The following GATA4 variants were observed in gnomAD, a reference collection of about 807,000 sequenced individuals.
GATA4 encodes the protein transcription factor GATA-4.
Under a neutral mutation model 37.9 loss-of-function variants are expected in GATA4, and 7 were observed. That is an observed-to-expected ratio of 0.18 (90% CI 0.11 to 0.35). The LOEUF (loss-of-function observed/expected upper bound fraction) is 0.35, where lower values mean the gene tolerates loss of function less well. Ranked by LOEUF, GATA4 falls within the 10% of genes least tolerant of loss-of-function variation. The pLI is 1.00. For missense variants in GATA4, 647 were observed against 653.0 expected (o/e 0.99, Z 0.10); for synonymous variants, 372 against 292.6 (o/e 1.27, Z -2.77).
chr8:11,749,844 G>T lies in GATA4; in HGVS notation c.787-267G>T, dbSNP rs1288954490. On this transcript the variant is annotated intron_variant, in intron 3 of 6. Coordinates refer to ENST00000532059, the MANE Select transcript of GATA4 (RefSeq NM_001308093.3). The surrounding 1 kb of genome is among the most constrained non-coding windows in gnomAD (Gnocchi z 4.6). ...GGCGCTCACTGGTTATTCGCCTGAC[G>T]GTGAATGATGGTTAGGACTGGAAAC... 3.9e-5 allele frequency among the ~76,000 whole-genome samples: 6 copies of T among 152,202 alleles called. No homozygotes were observed. In the East Asian group the frequency reaches 1.2e-3, roughly 29 times the overall value.
intron 1 of GATA4, among the ~76,000 whole-genome samples, chr8:11,687,133 A>G (rs1799161806): frequency 6.6e-6 from 1 of 152,190 alleles, no homozygotes; most frequent in South Asian, 2.1e-4. Context: ...AGATGTGAGA[A>G]GTGAGGAGGA....
chr8:11,700,775 T>A (rs1585578310), upstream of GATA4: 2 of 152,292 alleles, frequency 1.3e-5, no homozygotes, highest in South Asian at 4.1e-4. Flanking sequence ...TTCCATAGAA[T>A]GAGGTTTGAT....
At chr8:11,717,069 A>G (rs1800463673) in intron 2 of GATA4, among the ~76,000 whole-genome samples, 1 of 152,204 alleles carries the variant, frequency 6.6e-6, no homozygotes, top group Non-Finnish European at 1.5e-5. Context: ...TCTGTTGGGA[A>G]GGAGTATCGC....
At chr8:11,710,389 C>T (rs191873446) in intron 2 of GATA4, among the ~76,000 whole-genome samples, 60 of 152,222 alleles carry the variant, frequency 3.9e-4, no homozygotes, top group African/African-American at 1.4e-3. Context: ...GGGCGGGGCG[C>T]GGCGCCCTGG....
chr8:11,711,908 A>C (rs575090710), intron 2 of GATA4, among the ~76,000 whole-genome samples: 1 of 152,138 alleles, frequency 6.6e-6, no homozygotes, highest in Non-Finnish European at 1.5e-5. Flanking sequence ...AACTGACCCC[A>C]GCTTTCTGAG....
At position 11,758,454 on chromosome 8, in the gene GATA4, C is replaced by T. The variant is rs779684582; in HGVS notation, c.1311C>T (p.His437=). 3.1e-5 allele frequency: 50 copies of T among 1,614,074 alleles called. No homozygotes were observed. The highest frequency in any genetic ancestry group is 5.5e-5 in the South Asian group (5 of 91,082). Residue 437 remains histidine (H), a synonymous_variant, in exon 7 of 7, where the codon CAC becomes CAT. Coordinates refer to ENST00000532059, the MANE Select transcript of GATA4 (RefSeq NM_001308093.3). ...ACAGCCTGGTCTTGGCCGACAGTCA[C>T]GGGGACATAATCACTGCGTAATCTT... The part of the protein sequence containing the change: ...SWNSLVLADS[H]GDIITA
In GATA4 at chr8:11,694,574, A is replaced by G. The variant is rs188282318; in HGVS notation, c.-729+1914A>G. On this transcript the variant is annotated intron_variant, in intron 1 of 2. Coordinates refer to the GATA4 transcript ENST00000526974. ...CCCAGGGTGAGGGACAGAGAAGATCATGGAAGCCAAACTGTCTGCTTTGTT... is the reference window on the plus strand; with the variant it reads ...CCCAGGGTGAGGGACAGAGAAGATCGTGGAAGCCAAACTGTCTGCTTTGTT... The G allele has an allele frequency of 6.9e-3, 6,335 of 915,308 alleles. 24 individuals carry two copies. Among genetic ancestry groups the G allele is most frequent in the Non-Finnish European group, 7.7e-3 (5,880 of 766,010 alleles). The allele number at this position is 915,308 out of a possible 1,614,324, so 56.7% of individuals were successfully genotyped here.
At chr8:11,698,856 A>T (rs920715404) in intron 1 of GATA4, among the ~76,000 whole-genome samples, 2 of 152,092 alleles carry the variant, frequency 1.3e-5, no homozygotes, top group African/African-American at 4.8e-5. Context: ...TTTGTAGGCG[A>T]TAGCAGCTCC....
At chr8:11,698,632 A>G (rs899153807) in intron 1 of GATA4, among the ~76,000 whole-genome samples, 1 of 151,986 alleles carries the variant, frequency 6.6e-6, no homozygotes, top group Non-Finnish European at 1.5e-5. Context: ...TGGGCTCCCT[A>G]TGCCTCAGAA....
chr8:11,678,971 C>T (rs1798866771), intron 1 of GATA4, among the ~76,000 whole-genome samples: 2 of 152,106 alleles, frequency 1.3e-5, no homozygotes, highest in Admixed American at 1.3e-4. Flanking sequence ...AATAAAATAT[C>T]CATTTCAAAT....
At chr8:11,713,732 T>C (rs1452883822) in intron 2 of GATA4, among the ~76,000 whole-genome samples, 3 of 152,136 alleles carry the variant, frequency 2.0e-5, no homozygotes. Flanking sequence ...CCTAGACAAT[T>C]GTGGTTGTGT....
In GATA4 at chr8:11,708,311, C is replaced by G. The variant is rs1210193513; in HGVS notation, c.-2C>G. On this transcript the variant is annotated 5_prime_UTR_variant, in exon 2 of 7. Coordinates refer to ENST00000532059, the MANE Select transcript of GATA4 (RefSeq NM_001308093.3). This position sits in a 1 kb window ranked among gnomAD's most constrained non-coding sequence, Gnocchi z 6.7. ...CACCGAAGCCGGGAGCTCGCAGGGA[C>G]CATGTATCAGAGCTTGGCCATGGCC... 6.3e-7 allele frequency: 1 copy of G among 1,583,798 alleles called. No homozygotes were observed. Among genetic ancestry groups the G allele is most frequent in the East Asian group, 2.3e-5 (1 of 44,350 alleles).
At chr8:11,724,079 C>A (rs1340858561) in intron 2 of GATA4, among the ~76,000 whole-genome samples, 1 of 152,118 alleles carries the variant, frequency 6.6e-6, no homozygotes, top group African/African-American at 2.4e-5. Flanking sequence ...GTGACGGGCT[C>A]GTTTCCTTTG....
At chr8:11,724,413 T>A (rs1800818874) in intron 2 of GATA4, among the ~76,000 whole-genome samples, 1 of 152,234 alleles carries the variant, frequency 6.6e-6, no homozygotes, top group Non-Finnish European at 1.5e-5. Flanking sequence ...CTGCACCATT[T>A]TATATCCTTC....
chr8:11,702,611 C>A (rs1799719897), upstream of GATA4, among the ~76,000 whole-genome samples: 2 of 150,776 alleles, frequency 1.3e-5, no homozygotes, highest in African/African-American at 4.9e-5. The surrounding 1 kb of genome is among the most constrained non-coding windows in gnomAD (Gnocchi z 4.4). Flanking sequence ...CCCCAGCACC[C>A]CTTCAGCCTT....
intron 1 of GATA4, chr8:11,681,085 C>A: frequency 1.0e-6 from 1 of 964,798 alleles, no homozygotes; most frequent in Non-Finnish European, 1.2e-6. Flanking sequence ...CATTGAGGGG[C>A]ATGGGTGGCG....
chr8:11,723,291 G>T (rs1021434083), intron 2 of GATA4, among the ~76,000 whole-genome samples: 2 of 151,896 alleles, frequency 1.3e-5, no homozygotes, highest in Non-Finnish European at 2.9e-5. Context: ...GGGAGTTCGA[G>T]GCTGCAGTGA....
upstream of GATA4, among the ~76,000 whole-genome samples, chr8:11,702,764 T>C (rs1328938393): frequency 6.6e-6 from 1 of 152,120 alleles, no homozygotes; most frequent in African/African-American, 2.4e-5. The surrounding 1 kb of genome is among the most constrained non-coding windows in gnomAD (Gnocchi z 4.4). Flanking sequence ...GCGGCTGCCG[T>C]GCGTCCAGCC....
At chr8:11,696,297 C>T (rs1045951101) in intron 1 of GATA4, among the ~76,000 whole-genome samples, 1 of 152,200 alleles carries the variant, frequency 6.6e-6, no homozygotes, top group Non-Finnish European at 1.5e-5. Context: ...TCCTCAGCCC[C>T]TGGCAACCTC....
Sources: gnomAD v4.1 joint callset for allele counts (sites outside exome capture counted in the v4.1 genomes callset) on GRCh38, gnomAD v4.1.1 for gene constraint, Gnocchi (gnomAD v3.1) non-coding constraint, MANE v1.5 for transcripts, NCBI Gene and HGNC (gene_info 2026-07-23, HGNC 2026-07-21) for gene names.